Variants in PLD1 observed in about 807,000 individuals in gnomAD.
PLD1 encodes the protein phospholipase D1.
A neutral mutation model predicts 137.1 loss-of-function variants in PLD1; 112 were observed. The observed-to-expected ratio is 0.82, with a 90% CI of 0.70 to 0.96. The LOEUF (loss-of-function observed/expected upper bound fraction) is 0.96, where lower values mean the gene tolerates loss of function less well. Ranked by LOEUF, PLD1 falls within the 40% of genes least tolerant of loss-of-function variation. PLD1 has a pLI of 0.00. For synonymous variants in PLD1, 431 were observed against 454.7 expected (o/e 0.95, Z 0.66); for missense variants, 1,321 against 1,342.0 (o/e 0.98, Z 0.24).
At chr3:171,802,868 G>A (rs1469477386) in intron 1 of PLD1, among the ~76,000 whole-genome samples, 1 of 152,178 alleles carries the variant, frequency 6.6e-6, no homozygotes, top group African/African-American at 2.4e-5. Context: ...GGGTCCAGCA[G>A]CCCAGATGAC....
In PLD1 at chr3:171,792,737, A is replaced by G. The variant is rs766529977; in HGVS notation, c.-32+17662T>C. 1.5e-5 allele frequency: 7 copies of G among 456,246 alleles called. No homozygotes were observed. The East Asian group carries it at 2.8e-4, about 18-fold the overall frequency. The allele number at this position is 456,246 out of a possible 1,614,324, so 28.3% of individuals were successfully genotyped here. On this transcript the variant is annotated intron_variant, in intron 1 of 26. Coordinates refer to ENST00000351298, the MANE Select transcript of PLD1 (RefSeq NM_002662.5). ...AGGACATTTCTGCAGGGCACATACC[A>G]GGTTCCAGCATCTTTCTAGAGCCCC...
chr3:171,788,676 A>G (rs1723108305), intron 1 of PLD1: 1 of 152,218 alleles, frequency 6.6e-6, no homozygotes, highest in Non-Finnish European at 1.5e-5. Context: ...CAAGATGATG[A>G]CGAAACTCAG....
intron 8 of PLD1, among the ~76,000 whole-genome samples, chr3:171,719,160 G>A (rs1717906810): frequency 6.6e-6 from 1 of 152,028 alleles, no homozygotes; most frequent in Admixed American, 6.6e-5. Flanking sequence ...TTCCATGGAT[G>A]GTCTCTTCTT....
At chr3:171,798,993 G>A (rs537865165) in intron 1 of PLD1, among the ~76,000 whole-genome samples, 1 of 152,112 alleles carries the variant, frequency 6.6e-6, no homozygotes, top group Non-Finnish European at 1.5e-5. Context: ...TGGTCCCTTC[G>A]ACCAGATTAT....
Position 171,726,292 on chromosome 3 carries a change from A to G in PLD1, c.607-216T>C, listed in dbSNP as rs142269754. ...CTAGATCTTCTAAATCTGAAGAGAG[A>G]GATGTGTGCCTTAATACATAGAGAT... On this transcript the variant is annotated intron_variant, in intron 6 of 26. Coordinates refer to ENST00000351298, the MANE Select transcript of PLD1 (RefSeq NM_002662.5). Among the ~76,000 whole-genome samples the G allele has an allele frequency of 1.8e-3, 268 of 152,300 alleles. 1 individual carries two copies. The highest frequency in any genetic ancestry group is 3.3e-3 in the Non-Finnish European group (222 of 68,026).
intron 12 of PLD1, among the ~76,000 whole-genome samples, chr3:171,696,304 TTTGAGTTG>T (rs530764074): frequency 9.6e-4 from 147 of 152,346 alleles, no homozygotes; most frequent in Non-Finnish European, 1.6e-3. Context: ...TGCTGATTTC[TTTGAGTTG>T]TGAACAGTCT....
At chr3:171,806,593 C>G (rs1330349338) in intron 1 of PLD1, among the ~76,000 whole-genome samples, 1 of 152,236 alleles carries the variant, frequency 6.6e-6, no homozygotes, top group Non-Finnish European at 1.5e-5. Context: ...TTCTTGTGAA[C>G]ACAATGACTC....
At chr3:171,629,613 T>C (rs1161487267) in intron 23 of PLD1, among the ~76,000 whole-genome samples, 2 of 151,914 alleles carry the variant, frequency 1.3e-5, no homozygotes, top group African/African-American at 2.4e-5. Flanking sequence ...CTTCAAACTA[T>C]ACTACAAGGC....
At position 171,644,972 on chromosome 3, in the gene PLD1, G is replaced by C. The variant is rs779830370; in HGVS notation, c.2481C>G (p.Phe827Leu). 2 of 1,613,908 alleles carry C rather than the reference G, an allele frequency of 1.2e-6. No individual in the cohort carries two copies. The highest frequency in any genetic ancestry group is 4.5e-5 in the East Asian group (2 of 44,876). Residue 827 changes from phenylalanine (F) to leucine (L), a missense_variant, in exon 22 of 27, where the codon TTC (phenylalanine) becomes TTG (leucine). By Grantham distance (22) the Phe-to-Leu change is conservative. Transcript: ENST00000351298. ...CTCCGCCGGTTGAAATGTCTCCTTC[G>C]AACCCTGGCAGAAGTGGTATCACGA... ...VYVVIPLLPG[F>L]EGDISTGGGN... is the part of the protein sequence containing the mutation.
intron 19 of PLD1, chr3:171,666,359 A>C (rs1712146449): frequency 6.6e-6 from 1 of 152,268 alleles, no homozygotes; most frequent in African/African-American, 2.4e-5. Context: ...GTGCGGGGGA[A>C]CTGCCCTTTA....
chr3:171,665,029 T>C (rs1379019877), intron 19 of PLD1, among the ~76,000 whole-genome samples: 1 of 152,040 alleles, frequency 6.6e-6, no homozygotes, highest in Non-Finnish European at 1.5e-5. Context: ...AACATCTGAG[T>C]TTTTCCCTCG....
chr3:171,758,254 T>G (rs190672702), intron 1 of PLD1, among the ~76,000 whole-genome samples: 2 of 152,200 alleles, frequency 1.3e-5, no homozygotes, highest in Non-Finnish European at 2.9e-5. Flanking sequence ...TTAGAGGGAT[T>G]GGTCATGTGC....
At chr3:171,665,631 C>T (rs1306192126) in intron 19 of PLD1, among the ~76,000 whole-genome samples, 1 of 151,400 alleles carries the variant, frequency 6.6e-6, no homozygotes, top group Non-Finnish European at 1.5e-5. Flanking sequence ...ACCCAGGAGG[C>T]GGAGGTTGCA....
chr3:171,702,056 G>A (rs1156640470), intron 11 of PLD1, among the ~76,000 whole-genome samples: 1 of 151,980 alleles, frequency 6.6e-6, no homozygotes, highest in East Asian at 1.9e-4. Context: ...TAAGAAGATG[G>A]GGGAATAATA....
intron 9 of PLD1, among the ~76,000 whole-genome samples, chr3:171,711,210 C>T (rs564979869): frequency 3.9e-4 from 41 of 106,386 alleles, no homozygotes; most frequent in African/African-American, 1.4e-3. Flanking sequence ...CTTGCTTTGT[C>T]ACCAGGCTGG....
At chr3:171,689,507 C>T (rs1231122621) in intron 13 of PLD1, among the ~76,000 whole-genome samples, 1 of 151,506 alleles carries the variant, frequency 6.6e-6, no homozygotes, top group African/African-American at 2.4e-5. Context: ...TCCTTCCTTC[C>T]TTCCTTTCTT....
intron 1 of PLD1, among the ~76,000 whole-genome samples, chr3:171,799,716 T>C (rs994164444): frequency 8.5e-5 from 13 of 152,180 alleles, no homozygotes; most frequent in Admixed American, 4.6e-4. Context: ...AAAGTGGACA[T>C]CACCAGTGAT....
chr3:171,690,450 T>C (rs945365050), intron 13 of PLD1, among the ~76,000 whole-genome samples: 1 of 152,194 alleles, frequency 6.6e-6, no homozygotes, highest in African/African-American at 2.4e-5. Context: ...AGTTAGGTTG[T>C]TATTTTGAGA....
Position 171,699,792 on chromosome 3 carries a change from C to A in PLD1, c.1180G>T (p.Val394Phe). 1 of 1,614,030 alleles carries A rather than the reference C, an allele frequency of 6.2e-7. No individual in the cohort carries two copies. The highest frequency in any genetic ancestry group is 8.5e-7 in the Non-Finnish European group (1 of 1,179,900). The part of the protein sequence containing the change: ...SPEIFLKRPV[V>F]EGNRWRLDCI... The stretch of plus-strand genomic sequence containing the variant: ...TCCAACCTCCAACGATTTCCCTCAA[C>A]CACTGGGCGTTTCAGGAAGATTTCT... The change falls in exon 12 of 27, where the codon GTT becomes TTT. Residue 394 changes from valine (V) to phenylalanine (F), a missense_variant. Val to Phe is a conservative substitution (Grantham distance 50). Coordinates refer to ENST00000351298, the MANE Select transcript of PLD1 (RefSeq NM_002662.5).
Sources: allele counts gnomAD v4.1 joint callset (sites outside exome capture counted in the v4.1 genomes callset), GRCh38; gene constraint gnomAD v4.1.1; transcripts MANE v1.5; gene names NCBI Gene and HGNC (gene_info 2026-07-23, HGNC 2026-07-21).